Variants in KIT observed in about 807,000 individuals in gnomAD.
KIT encodes the protein mast/stem cell growth factor receptor Kit.
In KIT, 16 loss-of-function variants were observed where a neutral mutation model predicts 105.7. The ratio of observed to expected loss-of-function variants is 0.15; its 90% CI spans 0.10 to 0.23. KIT has a LOEUF of 0.23. KIT is among the 10% of genes least tolerant of loss of function. KIT has a pLI of 1.00. For missense variants in KIT, 858 were observed against 1,213.8 expected (o/e 0.71, Z 4.36); for synonymous variants, 438 against 441.1 (o/e 0.99, Z 0.09).
intron 6 of KIT, among the ~76,000 whole-genome samples, chr4:54,707,816 C>T (rs1348808298): frequency 1.3e-5 from 2 of 152,088 alleles, no homozygotes; most frequent in Non-Finnish European, 2.9e-5. Context: ...AAGTACTTTA[C>T]GTGTATTCAC....
At chr4:54,706,136 G>A (rs1577965983) in intron 5 of KIT, among the ~76,000 whole-genome samples, 1 of 151,624 alleles carries the variant, frequency 6.6e-6, no homozygotes, top group Non-Finnish European at 1.5e-5. Context: ...AGTGTAAATA[G>A]CACTTTTGTT....
intron 1 of KIT, among the ~76,000 whole-genome samples, chr4:54,687,988 C>T (rs1049216720): frequency 1.3e-5 from 2 of 152,134 alleles, no homozygotes; most frequent in East Asian, 1.9e-4. Flanking sequence ...TTAATGACGA[C>T]GGTGCATTGA....
At chr4:54,712,110 T>G (rs1209313492) in intron 7 of KIT, among the ~76,000 whole-genome samples, 1 of 152,168 alleles carries the variant, frequency 6.6e-6, no homozygotes, top group Admixed American at 6.5e-5. Flanking sequence ...GCTGCTCTTG[T>G]GTGATGCTTC....
chr4:54,669,302 A>G (rs867257911), intron 1 of KIT, among the ~76,000 whole-genome samples: 2 of 151,990 alleles, frequency 1.3e-5, no homozygotes, highest in Middle Eastern at 6.8e-3. Context: ...CCCAATTTAC[A>G]TTCCAGCATT....
At chr4:54,709,384 G>T (rs765239916) in intron 6 of KIT, 40 bp from the exon 7 acceptor site, 1 of 1,246,554 alleles carries the variant, frequency 8.0e-7, no homozygotes, top group Non-Finnish European at 1.2e-6. Context: ...TCCAAGGCAT[G>T]CTATCCACAG....
intron 7 of KIT, among the ~76,000 whole-genome samples, chr4:54,713,784 TA>T (rs1250074523): frequency 3.3e-5 from 5 of 152,194 alleles, no homozygotes; most frequent in Non-Finnish European, 7.3e-5. Flanking sequence ...GGTAGACTTT[TA>T]AAAAATATTG....
chr4:54,719,453 T>C (rs1289715354), intron 7 of KIT, among the ~76,000 whole-genome samples: 6 of 152,230 alleles, frequency 3.9e-5, no homozygotes, highest in African/African-American at 1.4e-4. Flanking sequence ...TTTAATTGCA[T>C]GAGCAATAAA....
At position 54,739,644 on chromosome 4, in the gene KIT, G is replaced by C. The variant is rs144602457; in HGVS notation, c.*1087G>C. On this transcript the variant is annotated 3_prime_UTR_variant, in exon 21 of 21. Coordinates refer to ENST00000288135, the MANE Select transcript of KIT (RefSeq NM_000222.3). Reference sequence around the variant, plus strand: ...CCTTCGCAGGCATGTCCTGGACACCGGGCCAGTATCTATATATGTGTATGT... The same window carrying C: ...CCTTCGCAGGCATGTCCTGGACACCCGGCCAGTATCTATATATGTGTATGT... The C allele has an allele frequency of 1.1e-4, 25 of 233,576 alleles. No individual in the cohort carries two copies. In the East Asian group the frequency reaches 1.5e-3, roughly 14 times the overall value. 14.5% of individuals were successfully genotyped at this position (233,576 alleles called of 1,614,324 possible).
chr4:54,718,416 G>A (rs555314636), intron 7 of KIT, among the ~76,000 whole-genome samples: 13 of 152,160 alleles, frequency 8.5e-5, no homozygotes, highest in South Asian at 2.1e-4. Context: ...AACTAAGAAC[G>A]TTATTGAATT....
chr4:54,736,842 CT>C, intron 19 of KIT, 22 bp downstream of exon 19: 1 of 1,578,910 alleles, frequency 6.3e-7, no homozygotes, highest in Non-Finnish European at 8.7e-7. Context: ...AAAATTTTTC[CT>C]TTAGGTCACG....
Position 54,670,524 on chromosome 4 carries a change from G to A in KIT, c.67+12443G>A, listed in dbSNP as rs547949295. Among the ~76,000 whole-genome samples, 21 of 152,272 alleles carry A rather than the reference G, an allele frequency of 1.4e-4. No homozygotes were observed. In the South Asian group the frequency reaches 2.5e-3, roughly 18 times the overall value. ...TGAAAACTGCAAGGACCTGCTGTCA[G>A]GGCTCATTAAACCCCAAAGTATGGC... On this transcript the variant is annotated intron_variant, in intron 1 of 20. Coordinates refer to ENST00000288135, the MANE Select transcript of KIT (RefSeq NM_000222.3).
At chr4:54,735,114 C>T (rs1278218992) in intron 17 of KIT, among the ~76,000 whole-genome samples, 1 of 152,050 alleles carries the variant, frequency 6.6e-6, no homozygotes, top group Non-Finnish European at 1.5e-5. Context: ...ATGACAAAGT[C>T]ACAGGTACAG....
chr4:54,682,111 A>C (rs1029226643), intron 1 of KIT, among the ~76,000 whole-genome samples: 2 of 131,606 alleles, frequency 1.5e-5, no homozygotes, highest in Non-Finnish European at 3.1e-5. Flanking sequence ...TTTTTTTGAG[A>C]CTGGATCTCT....
Position 54,695,592 on chromosome 4 carries a change from G to A in KIT, c.148G>A (p.Val50Met), listed in dbSNP as rs200950545. The change falls in exon 2 of 21, where the codon GTG becomes ATG. Residue 50 changes from valine to methionine, a missense_variant. Val to Met is a conservative substitution (Grantham distance 21). Coordinates refer to ENST00000288135, the MANE Select transcript of KIT (RefSeq NM_000222.3). ...AGGAAAATCAGACTTAATAGTCCGCGTGGGCGACGAGATTAGGCTGTTATG... is the reference window on the plus strand; with the variant it reads ...AGGAAAATCAGACTTAATAGTCCGCATGGGCGACGAGATTAGGCTGTTATG... Reference protein sequence around the residue: ...HPGKSDLIVRVGDEIRLLCTD... With the variant: ...HPGKSDLIVRMGDEIRLLCTD... 1.1e-5 allele frequency: 17 copies of A among 1,614,054 alleles called. No individual in the cohort carries two copies. Among genetic ancestry groups the A allele is most frequent in the African/African-American group, 6.7e-5 (5 of 74,936 alleles).
At chr4:54,664,446 G>C (rs1717532383) in intron 1 of KIT, among the ~76,000 whole-genome samples, 1 of 152,070 alleles carries the variant, frequency 6.6e-6, no homozygotes, top group Admixed American at 6.5e-5. Flanking sequence ...AGGGCTGCCT[G>C]TTCCACCATT....
intron 1 of KIT, among the ~76,000 whole-genome samples, chr4:54,664,203 C>T (rs1226783231): frequency 6.6e-6 from 1 of 152,226 alleles, no homozygotes; most frequent in East Asian, 1.9e-4. Context: ...AACTACAGTA[C>T]AAGGAACAAG....
chr4:54,734,433 T>C (rs1295103833), intron 17 of KIT, among the ~76,000 whole-genome samples: 2 of 152,216 alleles, frequency 1.3e-5, no homozygotes, highest in Non-Finnish European at 2.9e-5. Context: ...CCAGACATAT[T>C]GTTACTATTC....
intron 1 of KIT, among the ~76,000 whole-genome samples, chr4:54,694,129 C>T (rs143685690): frequency 4.6e-5 from 7 of 152,274 alleles, no homozygotes; most frequent in African/African-American, 1.2e-4. Context: ...TTTCACTCCA[C>T]GTAGTTTCAC....
chr4:54,702,276 TAAAAAAG>T (rs1037892247), intron 4 of KIT, among the ~76,000 whole-genome samples: 1 of 152,076 alleles, frequency 6.6e-6, no homozygotes, highest in Non-Finnish European at 1.5e-5. Context: ...TTACAAAAAA[TAAAAAAG>T]GTAAAATTGA....
Sources: gnomAD v4.1 joint callset for allele counts (sites outside exome capture counted in the v4.1 genomes callset) on GRCh38, gnomAD v4.1.1 for gene constraint, MANE v1.5 for transcripts, NCBI Gene and HGNC (gene_info 2026-07-23, HGNC 2026-07-21) for gene names.